NAV1: variants seen among roughly 807,000 people sequenced by gnomAD.
The protein encoded by NAV1 is pore membrane and/or filament interacting like protein 3.
In NAV1, 18 loss-of-function variants were observed where a neutral mutation model predicts 175.2. The observed-to-expected ratio is 0.10, with a 90% confidence interval of 0.07 to 0.15. The LOEUF (loss-of-function observed/expected upper bound fraction) is 0.15. Among genes scored for constraint, NAV1 ranks in the 10% least tolerant of loss-of-function variants. The pLI is 1.00. For missense variants in NAV1, 1,731 were observed against 2,436.6 expected (o/e 0.71, Z 6.10); for synonymous variants, 897 against 978.7 (o/e 0.92, Z 1.56).
chr1:201,555,926 C>T (rs1273951250), intron 1 of NAV1, among the ~76,000 whole-genome samples: 3 of 151,996 alleles, frequency 2.0e-5, no homozygotes, highest in Non-Finnish European at 2.9e-5. Flanking sequence ...GTCGGCCTAT[C>T]TGGAACCCCA....
intron 3 of NAV1, among the ~76,000 whole-genome samples, chr1:201,741,497 G>A (rs529897017): frequency 1.0e-4 from 12 of 115,036 alleles, no homozygotes; most frequent in Non-Finnish European, 2.2e-4. Context: ...CTGGGCCCTG[G>A]AGAAGGTGAA....
At chr1:201,794,759 C>T in intron 15 of NAV1, 182 bp downstream of exon 19, 1 of 618,454 alleles carries the variant, frequency 1.6e-6, no homozygotes, top group South Asian at 2.0e-5. Flanking sequence ...GGCATGACCC[C>T]AGCTTCCTAG....
exon 30 of NAV1, chr1:201,821,033 C>T (rs1202374485): frequency 6.6e-6 from 1 of 152,130 alleles, no homozygotes; most frequent in Non-Finnish European, 1.5e-5. Flanking sequence ...AGAAGAGGAA[C>T]CCAGTTCCCT....
intron 2 of NAV1, among the ~76,000 whole-genome samples, chr1:201,610,010 G>A (rs2102251167): frequency 6.6e-6 from 1 of 152,264 alleles, no homozygotes; most frequent in East Asian, 1.9e-4. Flanking sequence ...GGGGTGTTTG[G>A]AACTGAGGCC....
At chr1:201,639,846 A>G (rs1668701994) in intron 2 of NAV1, among the ~76,000 whole-genome samples, 1 of 151,972 alleles carries the variant, frequency 6.6e-6, no homozygotes, top group Non-Finnish European at 1.5e-5. Flanking sequence ...GGTCTTGTTT[A>G]CTTGTGTGAC....
At chr1:201,555,308 G>T (rs1385276359) in intron 1 of NAV1, among the ~76,000 whole-genome samples, 1 of 152,202 alleles carries the variant, frequency 6.6e-6, no homozygotes, top group Non-Finnish European at 1.5e-5. Flanking sequence ...AATCAGGGGA[G>T]ATTTTGGCCA....
Position 201,807,809 on chromosome 1 carries a change from T to A in NAV1, c.3649-144T>A, listed in dbSNP as rs1431790345. The A allele has an allele frequency of 5.3e-6, 4 of 761,818 alleles. No individual in the cohort carries two copies. The Admixed American group carries it at 6.9e-5, about 13-fold the overall frequency. The allele number at this position is 761,818 out of a possible 1,614,324, so 47.2% of individuals were successfully genotyped here. On this transcript the variant is annotated intron_variant, in intron 17 of 29. Transcript: ENST00000367296. This position sits in a 1 kb window ranked among gnomAD's most constrained non-coding sequence, Gnocchi z 5.4. The stretch of plus-strand genomic sequence containing the variant: ...AACTCTTCTGTCCGTATTCTATGAA[T>A]CAAGTGAAGTGTTATAGAGGGTGGC...
chr1:201,599,267 T>C (rs114314139), intron 2 of NAV1, among the ~76,000 whole-genome samples: 1 of 152,188 alleles, frequency 6.6e-6, no homozygotes, highest in Non-Finnish European at 1.5e-5. Context: ...CCAATCTTTA[T>C]GGCTAGAGGA....
intron 3 of NAV1, among the ~76,000 whole-genome samples, chr1:201,749,290 G>A (rs1673958463): frequency 6.6e-6 from 1 of 152,180 alleles, no homozygotes. Context: ...TCCCCACTTA[G>A]CAAAAAAATT....
intron 1 of NAV1, among the ~76,000 whole-genome samples, chr1:201,702,063 G>T (rs1276025540): frequency 6.6e-6 from 1 of 152,236 alleles, no homozygotes; most frequent in African/African-American, 2.4e-5. Context: ...GAATGAAGTA[G>T]TGATGCTTGC....
intron 1 of NAV1, among the ~76,000 whole-genome samples, chr1:201,680,168 C>T (rs1571880239): frequency 6.6e-6 from 1 of 152,068 alleles, no homozygotes; most frequent in Non-Finnish European, 1.5e-5. Flanking sequence ...GAACGGGGAG[C>T]GGGTGTGTCA....
chr1:201,784,684 A>G (rs1362957566), intron 7 of NAV1, among the ~76,000 whole-genome samples: 2 of 151,136 alleles, frequency 1.3e-5, no homozygotes, highest in Non-Finnish European at 2.9e-5. Flanking sequence ...CTACAGGCTC[A>G]TGCCACTGTC....
rs1042730378 is a variant in NAV1 at position 201,787,365 on chromosome 1, A to G, written c.2995+788A>G. ...AGCTGAGTAAAAGAAATCAGTTAAT[A>G]AAAGACAAGGACCTGTAACACACCC... On this transcript the variant is annotated intron_variant, in intron 9 of 29. Transcript: ENST00000367296. The surrounding 1 kb of genome is among the most constrained non-coding windows in gnomAD (Gnocchi z 4.3). Among the ~76,000 whole-genome samples the G allele has an allele frequency of 2.6e-4, 40 of 152,214 alleles. No homozygotes were observed. Among genetic ancestry groups the G allele is most frequent in the Non-Finnish European group, 4.4e-5 (3 of 68,050 alleles).
At chr1:201,572,761 A>G (rs1413825267) in intron 1 of NAV1, among the ~76,000 whole-genome samples, 1 of 152,178 alleles carries the variant, frequency 6.6e-6, no homozygotes, top group Non-Finnish European at 1.5e-5. Flanking sequence ...ACAAGACTCA[A>G]AGGAGGCAGC....
chr1:201,720,642 C>A (rs188414696), intron 3 of NAV1, among the ~76,000 whole-genome samples: 1 of 152,218 alleles, frequency 6.6e-6, no homozygotes, highest in Non-Finnish European at 1.5e-5. Context: ...CCTCCCCAGG[C>A]TTTCTTTCAT....
intron 1 of NAV1, among the ~76,000 whole-genome samples, chr1:201,627,068 T>C (rs1668350176): frequency 1.3e-5 from 2 of 152,358 alleles, no homozygotes; most frequent in South Asian, 4.1e-4. Flanking sequence ...CAATCGTGAC[T>C]GTAACTATTT....
Position 201,812,877 on chromosome 1 carries a change from C to T in NAV1, c.5221+216C>T, listed in dbSNP as rs1365453852. On this transcript the variant is annotated intron_variant, in intron 27 of 29. Coordinates refer to ENST00000367296, the Ensembl canonical transcript of NAV1. The surrounding 1 kb of genome is among the most constrained non-coding windows in gnomAD (Gnocchi z 4.6). ...CTAACCCCTCTCCTTGTTTTTTTCC[C>T]ACAATTAACAGAAAAAAGGAGGCAC... is the stretch of plus-strand genomic sequence containing the variant. Among the ~76,000 whole-genome samples, 1 of 152,056 alleles carries T rather than the reference C, an allele frequency of 6.6e-6. No individual in the cohort carries two copies. Among genetic ancestry groups the T allele is most frequent in the Non-Finnish European group, 1.5e-5 (1 of 68,002 alleles).
chr1:201,806,886 T>C (rs779262601), intron 17 of NAV1, among the ~76,000 whole-genome samples: 3 of 152,210 alleles, frequency 2.0e-5, no homozygotes, highest in Admixed American at 6.5e-5. Flanking sequence ...GGCCTTCCTA[T>C]GTTCCAGGAG....
At chr1:201,794,369 G>A in intron 14 of NAV1, 97 bp from the exon 19 acceptor site, 1 of 1,107,428 alleles carries the variant, frequency 9.0e-7, no homozygotes. Flanking sequence ...TTGAACTCCT[G>A]ACCTCAGGTG....
Sources: gnomAD v4.1 joint callset for allele counts (sites outside exome capture counted in the v4.1 genomes callset) on GRCh38, gnomAD v4.1.1 for gene constraint, Gnocchi (gnomAD v3.1) non-coding constraint, MANE v1.5 for transcripts, NCBI Gene and HGNC (gene_info 2026-07-23, HGNC 2026-07-21) for gene names.